The following CNTNAP2 variants were observed in gnomAD, a reference collection of about 807,000 sequenced individuals.
CNTNAP2 encodes the protein contactin-associated protein-like 2.
CNTNAP2 carries 98 observed loss-of-function variants against 155.2 expected under a neutral mutation model. The observed-to-expected ratio is 0.63, with a 90% CI of 0.54 to 0.75. The LOEUF (loss-of-function observed/expected upper bound fraction) is 0.75, where lower values mean the gene tolerates loss of function less well. Ranked by LOEUF, CNTNAP2 falls within the 30% of genes least tolerant of loss-of-function variation. CNTNAP2 has a pLI of 0.00. For missense variants in CNTNAP2, 1,727 were observed against 1,688.1 expected (o/e 1.02, Z -0.40); for synonymous variants, 651 against 631.2 (o/e 1.03, Z -0.47).
chr7:148,086,266 A>G (rs1056921042), intron 15 of CNTNAP2, among the ~76,000 whole-genome samples: 4 of 152,202 alleles, frequency 2.6e-5, no homozygotes, highest in Non-Finnish European at 5.9e-5. Context: ...CACTTTCTTT[A>G]ATGCCCATTT....
At chr7:146,660,547 A>T (rs143125986) in intron 1 of CNTNAP2, among the ~76,000 whole-genome samples, 5 of 152,358 alleles carry the variant, frequency 3.3e-5, no homozygotes, top group African/African-American at 1.2e-4. Context: ...TATCTCAATA[A>T]ATAGCAGATG....
intron 2 of CNTNAP2, among the ~76,000 whole-genome samples, chr7:146,801,367 G>T (rs1802874505): frequency 6.6e-6 from 1 of 152,104 alleles, no homozygotes; most frequent in Admixed American, 6.5e-5. Context: ...TTCCAGATGA[G>T]ATTTGCAGGG....
intron 1 of CNTNAP2, among the ~76,000 whole-genome samples, chr7:146,344,823 T>G (rs1311002829): frequency 6.6e-6 from 1 of 152,148 alleles, no homozygotes; most frequent in Non-Finnish European, 1.5e-5. Context: ...AGTTAAACAA[T>G]TTAGTCCAGT....
chr7:146,850,725 G>C (rs1166903614), intron 3 of CNTNAP2, among the ~76,000 whole-genome samples: 2 of 151,804 alleles, frequency 1.3e-5, no homozygotes, highest in Admixed American at 1.3e-4. Flanking sequence ...AATTGTAATG[G>C]TTGAATAAAT....
intron 19 of CNTNAP2, among the ~76,000 whole-genome samples, chr7:148,227,533 C>T (rs1460722242): frequency 1.3e-5 from 2 of 152,182 alleles, no homozygotes; most frequent in Non-Finnish European, 2.9e-5. Flanking sequence ...ACCAGGAGCT[C>T]TGTGTGGAGC....
intron 13 of CNTNAP2, among the ~76,000 whole-genome samples, chr7:147,826,912 C>G (rs1798460569): frequency 6.7e-6 from 1 of 149,398 alleles, no homozygotes; most frequent in Admixed American, 6.7e-5. Flanking sequence ...TCCCCCTTTA[C>G]ATAAAAGCTG....
At chr7:146,268,322 C>T (rs1307768316) in intron 1 of CNTNAP2, among the ~76,000 whole-genome samples, 1 of 152,190 alleles carries the variant, frequency 6.6e-6, no homozygotes, top group Non-Finnish European at 1.5e-5. Context: ...TCTATTGAAA[C>T]CCTGACCCTC....
chr7:147,240,453 TA>T (rs549709716), intron 8 of CNTNAP2, among the ~76,000 whole-genome samples: 14 of 152,228 alleles, frequency 9.2e-5, no homozygotes, highest in Non-Finnish European at 1.3e-4. Context: ...TAAAACATAA[TA>T]AAACAAAACA....
intron 6 of CNTNAP2, among the ~76,000 whole-genome samples, chr7:147,127,771 G>C (rs532147610): frequency 6.6e-6 from 1 of 151,978 alleles, no homozygotes; most frequent in East Asian, 1.9e-4. Flanking sequence ...TTTTAATGAA[G>C]CTGATAGTAA....
chr7:146,258,624 T>C (rs1440511421), intron 1 of CNTNAP2, among the ~76,000 whole-genome samples: 1 of 152,160 alleles, frequency 6.6e-6, no homozygotes, highest in Non-Finnish European at 1.5e-5. Context: ...TGTTACCATA[T>C]ATTAAGGGTC....
In CNTNAP2 at chr7:146,120,113, C is replaced by T. The variant is rs558929110; in HGVS notation, c.97+3140C>T. ...AAGTAACTAACGCAACAATATTAAGCAATAGTATATTAGTCTATTTTCTCT... is the reference window on the plus strand; with the variant it reads ...AAGTAACTAACGCAACAATATTAAGTAATAGTATATTAGTCTATTTTCTCT... On this transcript the variant is annotated intron_variant, in intron 1 of 23. Transcript: ENST00000361727. 7.9e-5 allele frequency among the ~76,000 whole-genome samples: 12 copies of T among 151,902 alleles called. No individual in the cohort carries two copies. In the South Asian group the frequency reaches 2.5e-3, roughly 32 times the overall value.
intron 3 of CNTNAP2, among the ~76,000 whole-genome samples, chr7:146,962,699 C>T (rs1379989658): frequency 4.6e-5 from 7 of 152,192 alleles, no homozygotes; most frequent in Admixed American, 2.0e-4. Context: ...TACAGGCAGG[C>T]GCCACCACAT....
intron 2 of CNTNAP2, among the ~76,000 whole-genome samples, chr7:146,790,260 G>A (rs1802647166): frequency 2.0e-5 from 3 of 152,242 alleles, no homozygotes; most frequent in South Asian, 4.1e-4. Context: ...ATTTTCTAAA[G>A]ACTGTTTCCA....
At chr7:147,253,099 C>T (rs989591711) in intron 8 of CNTNAP2, among the ~76,000 whole-genome samples, 2 of 152,198 alleles carry the variant, frequency 1.3e-5, no homozygotes, top group Non-Finnish European at 1.5e-5. Context: ...GAGAGAATAA[C>T]ATGCCTAGTC....
At chr7:146,527,077 C>A (rs1313714496) in intron 1 of CNTNAP2, among the ~76,000 whole-genome samples, 1 of 151,910 alleles carries the variant, frequency 6.6e-6, no homozygotes, top group Non-Finnish European at 1.5e-5. Context: ...ATAAAAAATC[C>A]CTCTCACATT....
intron 1 of CNTNAP2, among the ~76,000 whole-genome samples, chr7:146,548,438 C>T (rs941003087): frequency 2.0e-5 from 3 of 152,028 alleles, no homozygotes; most frequent in Admixed American, 2.0e-4. Flanking sequence ...ACACTTTTGA[C>T]TCAACAATCC....
In CNTNAP2 at chr7:147,107,804, A is replaced by G. The variant is rs1800796945; in HGVS notation, c.551-343A>G. Among the ~76,000 whole-genome samples, 3 of 152,152 alleles carry G rather than the reference A, an allele frequency of 2.0e-5. No individual in the cohort carries two copies. The South Asian group carries it at 6.2e-4, about 31-fold the overall frequency. ...AGGAATCAAACATTTAAGTCTCATA[A>G]TCTGTTTGAGATTTAAAAATTTTAC... is the stretch of plus-strand genomic sequence containing the variant. On this transcript the variant is annotated intron_variant, in intron 4 of 23. Transcript: ENST00000361727.
At chr7:148,134,802 T>A (rs1252372205) in intron 16 of CNTNAP2, among the ~76,000 whole-genome samples, 1 of 152,202 alleles carries the variant, frequency 6.6e-6, no homozygotes, top group African/African-American at 2.4e-5. Context: ...TATCGTTGAA[T>A]GATTTAAAAA....
At chr7:147,638,315 G>C (rs537942741) in intron 12 of CNTNAP2, among the ~76,000 whole-genome samples, 1 of 152,226 alleles carries the variant, frequency 6.6e-6, no homozygotes, top group Non-Finnish European at 1.5e-5. Context: ...ATGGTATTTA[G>C]TGATCACAGT....
Sources: gnomAD v4.1 joint callset for allele counts (sites outside exome capture counted in the v4.1 genomes callset) on GRCh38, gnomAD v4.1.1 for gene constraint, MANE v1.5 for transcripts, NCBI Gene and HGNC (gene_info 2026-07-23, HGNC 2026-07-21) for gene names.